Variants in CNTNAP2 observed in about 807,000 individuals in gnomAD.
CNTNAP2 encodes contactin associated protein 2, also known as contactin-associated protein-like 2.
A neutral mutation model predicts 155.2 loss-of-function variants in CNTNAP2; 98 were observed. The observed-to-expected ratio is 0.63, with a 90% CI of 0.54 to 0.75. CNTNAP2 has a LOEUF of 0.75. Ranked by LOEUF, CNTNAP2 falls within the 30% of genes least tolerant of loss-of-function variation. The pLI is 0.00. For missense variants in CNTNAP2, 1,727 were observed against 1,688.1 expected, an observed-to-expected ratio of 1.02 and a Z score of -0.40; for synonymous variants, 651 against 631.2, an observed-to-expected ratio of 1.03 and a Z score of -0.47.
At chr7:147,557,730 T>C (rs1799978419) in intron 11 of CNTNAP2, among the ~76,000 whole-genome samples, 1 of 152,198 alleles carries the variant, frequency 6.6e-6, no homozygotes, top group South Asian at 2.1e-4. Context: ...ACTCAATAAC[T>C]TCTAGTTTTT....
intron 1 of CNTNAP2, among the ~76,000 whole-genome samples, chr7:146,725,293 GACAACTAGTAAA>G (rs1377082492): frequency 6.6e-6 from 1 of 152,144 alleles, no homozygotes; most frequent in Non-Finnish European, 1.5e-5. Context: ...CACAGATGCT[GACAACTAGTAAA>G]ACAACCTTTG....
intron 9 of CNTNAP2, among the ~76,000 whole-genome samples, chr7:147,381,150 G>T (rs565275855): frequency 6.6e-6 from 1 of 151,956 alleles, no homozygotes; most frequent in South Asian, 2.1e-4. Context: ...CTGTACTAGG[G>T]GCTTTTAATA....
At chr7:147,421,591 G>C (rs979029589) in intron 10 of CNTNAP2, among the ~76,000 whole-genome samples, 13 of 151,242 alleles carry the variant, frequency 8.6e-5, no homozygotes, top group Admixed American at 5.3e-4. Context: ...TAATCTGTGT[G>C]TGTGTGTGTG....
chr7:147,549,970 T>A (rs908953649), intron 11 of CNTNAP2, among the ~76,000 whole-genome samples: 1 of 152,194 alleles, frequency 6.6e-6, no homozygotes, highest in Non-Finnish European at 1.5e-5. Flanking sequence ...TTGATAAAAA[T>A]TTTTCTTTTA....
chr7:147,406,291 G>C (rs1797004481), intron 10 of CNTNAP2, among the ~76,000 whole-genome samples: 1 of 152,100 alleles, frequency 6.6e-6, no homozygotes, highest in African/African-American at 2.4e-5. Flanking sequence ...TTCATTAAAT[G>C]TCAGGAGTAA....
intron 10 of CNTNAP2, among the ~76,000 whole-genome samples, chr7:147,415,814 A>G (rs777487390): frequency 9.8e-5 from 15 of 152,294 alleles, no homozygotes; most frequent in Middle Eastern, 3.4e-3. Flanking sequence ...TTTTTTAATC[A>G]TGGAAGGAGT....
chr7:146,326,886 T>G (rs1029822955), intron 1 of CNTNAP2, among the ~76,000 whole-genome samples: 1 of 152,242 alleles, frequency 6.6e-6, no homozygotes, highest in Non-Finnish European at 1.5e-5. Flanking sequence ...AATTCACATT[T>G]CATTTATTAT....
chr7:147,487,703 C>CAA (rs5888261), intron 11 of CNTNAP2, among the ~76,000 whole-genome samples: 19 of 147,114 alleles, frequency 1.3e-4, no homozygotes, highest in Admixed American at 2.7e-4. Flanking sequence ...AGCAAAAAGG[C>CAA]AAAAAAAAAA....
chr7:146,757,855 T>C (rs1802019472), intron 1 of CNTNAP2, among the ~76,000 whole-genome samples: 1 of 152,162 alleles, frequency 6.6e-6, no homozygotes, highest in Non-Finnish European at 1.5e-5. Flanking sequence ...TCTCATCTCT[T>C]GGTGGCTATA....
At chr7:146,959,225 G>A (rs1181662457) in intron 3 of CNTNAP2, among the ~76,000 whole-genome samples, 1 of 151,676 alleles carries the variant, frequency 6.6e-6, no homozygotes, top group African/African-American at 2.4e-5. Flanking sequence ...TCACCATATT[G>A]GCCAGGCTGG....
chr7:146,434,967 T>A (rs1248972121), intron 1 of CNTNAP2, among the ~76,000 whole-genome samples: 1 of 152,138 alleles, frequency 6.6e-6, no homozygotes, highest in Non-Finnish European at 1.5e-5. Flanking sequence ...GAAACTTCAA[T>A]GCAAACTTTT....
At chr7:146,412,249 C>A (rs562545353) in intron 1 of CNTNAP2, among the ~76,000 whole-genome samples, 23 of 152,348 alleles carry the variant, frequency 1.5e-4, no homozygotes, top group Non-Finnish European at 2.9e-4. Flanking sequence ...AAACAAGTAA[C>A]AAAGTCACTA....
rs941016319 is a variant in CNTNAP2 at position 148,383,612 on chromosome 7, G to A, written c.3476-37G>A. The A allele has an allele frequency of 3.7e-6, 6 of 1,614,070 alleles. No individual in the cohort carries two copies. The African/African-American group carries it at 4.0e-5, about 11-fold the overall frequency. On this transcript the variant is annotated intron_variant, in intron 21 of 23. Coordinates refer to ENST00000361727, the MANE Select transcript of CNTNAP2 (RefSeq NM_014141.6). ...GTATGTTGTACAGCTGGACTATGGT[G>A]AGTCAAGTAACATTTTCATTTCTTT...
intron 8 of CNTNAP2, among the ~76,000 whole-genome samples, chr7:147,283,140 T>C (rs6974852): frequency 0.16 from 24,691 of 151,846 alleles, 3,361 homozygotes; most frequent in East Asian, 0.76. Context: ...CATGAGTTTT[T>C]TGACACATCT....
Position 148,416,273 on chromosome 7 carries a change from C to G in CNTNAP2, c.*657C>G, listed in dbSNP as rs1563081100. ...GCATGGCACCTGGTGTGTAACGACA[C>G]AATCAGCACAACTGGAGAGAGGCAT... On this transcript the variant is annotated 3_prime_UTR_variant, in exon 24 of 24. Coordinates refer to ENST00000361727, the MANE Select transcript of CNTNAP2 (RefSeq NM_014141.6). 6.6e-6 allele frequency: 1 copy of G among 152,314 alleles called. No individual in the cohort carries two copies. Among genetic ancestry groups the G allele is most frequent in the Non-Finnish European group, 1.5e-5 (1 of 68,502 alleles). 9.4% of individuals were successfully genotyped at this position (152,314 alleles called of 1,614,324 possible).
At chr7:146,486,654 G>A (rs1040661205) in intron 1 of CNTNAP2, among the ~76,000 whole-genome samples, 15 of 152,134 alleles carry the variant, frequency 9.9e-5, no homozygotes, top group Non-Finnish European at 2.2e-4. Context: ...AGTGCCCATG[G>A]AAGTCTGTTT....
At chr7:146,897,834 GT>G (rs1189702514) in intron 3 of CNTNAP2, among the ~76,000 whole-genome samples, 2 of 151,798 alleles carry the variant, frequency 1.3e-5, no homozygotes, top group Non-Finnish European at 2.9e-5. Context: ...AGTTTAATGT[GT>G]TTTTTTAAAA....
At chr7:147,403,277 C>T (rs1156309573) in intron 10 of CNTNAP2, among the ~76,000 whole-genome samples, 1 of 152,172 alleles carries the variant, frequency 6.6e-6, no homozygotes, top group Non-Finnish European at 1.5e-5. Flanking sequence ...CCAGATGGAA[C>T]CAACATACAT....
rs139702728 is a variant in CNTNAP2, at chr7:147,384,950, A to G, written c.1499-10659A>G. Among the ~76,000 whole-genome samples, 1,002 of 152,272 alleles carry G rather than the reference A, an allele frequency of 6.6e-3. 8 individuals carry two copies. Among genetic ancestry groups the G allele is most frequent in the African/African-American group, 0.023 (948 of 41,552 alleles). On this transcript the variant is annotated intron_variant, in intron 9 of 23. Transcript: ENST00000361727. The stretch of plus-strand genomic sequence containing the variant: ...TTCATGACTGAGCAATTTACAAAAG[A>G]AAGAGGTTTAATGGACTTACAGTTC...
Sources: allele counts gnomAD v4.1 joint callset (sites outside exome capture counted in the v4.1 genomes callset), GRCh38; gene constraint gnomAD v4.1.1; transcripts MANE v1.5; gene names NCBI Gene and HGNC (gene_info 2026-07-23, HGNC 2026-07-21).